XNDC1N: variants seen among roughly 807,000 people sequenced by gnomAD.
The protein encoded by XNDC1N is protein XNDC1N.
At chr11:71,881,256 T>C in the XNDC1N span, among the ~76,000 whole-genome samples, 6 of 152,372 alleles carry the variant, frequency 3.9e-5, no homozygotes, top group Non-Finnish European at 7.3e-5. Context: ...CCTTTTATCA[T>C]TATATGATGG....
the XNDC1N span, chr11:71,865,588 C>T: frequency 1.8e-5 from 3 of 167,718 alleles, no homozygotes; most frequent in African/African-American, 7.2e-5. Context: ...AATGGCTATT[C>T]CATAGGCAGA....
At chr11:71,917,503 C>T in the XNDC1N span, 1 of 693,590 alleles carries the variant, frequency 1.4e-6, no homozygotes, top group Non-Finnish European at 2.6e-6. Flanking sequence ...TATAATTAAA[C>T]CCCTGCACAG....
At chr11:71,866,446 A>T in the XNDC1N span, among the ~76,000 whole-genome samples, 22 of 152,202 alleles carry the variant, frequency 1.4e-4, no homozygotes, top group Non-Finnish European at 3.1e-4. Context: ...TTATGAAGGC[A>T]TAGTTGATAA....
the XNDC1N span, among the ~76,000 whole-genome samples, chr11:71,896,844 G>A: frequency 2.0e-5 from 3 of 152,218 alleles, no homozygotes; most frequent in African/African-American, 7.2e-5. Flanking sequence ...GATTACAGGC[G>A]TGAGCGACTG....
the XNDC1N span, among the ~76,000 whole-genome samples, chr11:71,885,644 T>A: frequency 2.0e-5 from 3 of 152,188 alleles, no homozygotes; most frequent in East Asian, 5.8e-4. Context: ...ATATCACAGG[T>A]GGGTGTACAC....
the XNDC1N span, among the ~76,000 whole-genome samples, chr11:71,913,417 T>C: frequency 4.6e-5 from 7 of 151,692 alleles, no homozygotes; most frequent in African/African-American, 1.7e-4. Flanking sequence ...TCCCAGCACT[T>C]TGGAAGGCCG....
the XNDC1N span, among the ~76,000 whole-genome samples, chr11:71,920,129 T>A: frequency 6.8e-6 from 1 of 145,988 alleles, no homozygotes; most frequent in Non-Finnish European, 1.5e-5. Flanking sequence ...AGCTAATTTT[T>A]TTTGTATTTT....
chr11:71,891,217 C>A, the XNDC1N span, among the ~76,000 whole-genome samples: 6 of 151,968 alleles, frequency 3.9e-5, no homozygotes, highest in South Asian at 2.1e-4. Flanking sequence ...GGTGTACCCC[C>A]CCTGCGATAT....
the XNDC1N span, among the ~76,000 whole-genome samples, chr11:71,907,877 G>A: frequency 6.6e-6 from 1 of 152,118 alleles, no homozygotes; most frequent in East Asian, 1.9e-4. Flanking sequence ...ACACGGGGGT[G>A]TACACTTCCT....
the XNDC1N span, among the ~76,000 whole-genome samples, chr11:71,914,819 G>GT: frequency 6.6e-6 from 1 of 152,148 alleles, no homozygotes; most frequent in South Asian, 2.1e-4. Flanking sequence ...GAGCAAAGTG[G>GT]TTTCTTGAGA....
At chr11:71,886,223 C>T in the XNDC1N span, among the ~76,000 whole-genome samples, 1,094 of 152,238 alleles carry the variant, frequency 7.2e-3, 7 homozygotes, top group Non-Finnish European at 0.013. Flanking sequence ...AAGCCACAAG[C>T]CCTAATTGAT....
chr11:71,891,265 G>T, the XNDC1N span, among the ~76,000 whole-genome samples: 3 of 151,362 alleles, frequency 2.0e-5, no homozygotes, highest in Non-Finnish European at 4.4e-5. Context: ...TGGATATTAG[G>T]AAGAGGATCA....
At chr11:71,872,901 T>C in the XNDC1N span, among the ~76,000 whole-genome samples, 3 of 152,202 alleles carry the variant, frequency 2.0e-5, no homozygotes, top group African/African-American at 7.2e-5. Flanking sequence ...CATTCACATA[T>C]TCAGGATAGA....
chr11:71,907,365 C>A, the XNDC1N span, among the ~76,000 whole-genome samples: 1 of 150,826 alleles, frequency 6.6e-6, no homozygotes, highest in Non-Finnish European at 1.5e-5. Flanking sequence ...CCCCGCGATG[C>A]GGGGAGTAAG....
chr11:71,906,382 C>T, the XNDC1N span, among the ~76,000 whole-genome samples: 28 of 152,060 alleles, frequency 1.8e-4, no homozygotes, highest in African/African-American at 6.5e-4. Context: ...ACACCCCCTG[C>T]GTCATTAAGA....
the XNDC1N span, among the ~76,000 whole-genome samples, chr11:71,870,766 T>A: frequency 6.6e-6 from 1 of 152,108 alleles, no homozygotes; most frequent in African/African-American, 2.4e-5. Context: ...AAATGACCAA[T>A]AAACATATGA....
At chr11:71,891,076 T>G in the XNDC1N span, among the ~76,000 whole-genome samples, 2 of 152,038 alleles carry the variant, frequency 1.3e-5, no homozygotes, top group African/African-American at 2.4e-5. Context: ...CCCTGTGATA[T>G]TCAACGTAAC....
the XNDC1N span, chr11:71,917,149 G>A: frequency 2.6e-6 from 1 of 387,264 alleles, no homozygotes; most frequent in East Asian, 5.2e-5. Context: ...CAGTAGCTGG[G>A]ATTAAAGGCA....
chr11:71,926,648 C>T, the XNDC1N span, among the ~76,000 whole-genome samples: 1 of 152,184 alleles, frequency 6.6e-6, no homozygotes, highest in East Asian at 1.9e-4. Flanking sequence ...CACCTGTAAT[C>T]CCAGCATTTT....
Sources: allele counts gnomAD v4.1 joint callset (sites outside exome capture counted in the v4.1 genomes callset), GRCh38; gene constraint gnomAD v4.1.1; transcripts MANE v1.5; gene names NCBI Gene and HGNC (gene_info 2026-07-23, HGNC 2026-07-21).